PDGFRB: variants seen among roughly 807,000 people sequenced by gnomAD.
PDGFRB encodes platelet derived growth factor receptor beta, also known as platelet-derived growth factor receptor beta.
Under a neutral mutation model 120.2 loss-of-function variants are expected in PDGFRB, and 42 were observed. That is an observed-to-expected ratio of 0.35 (90% CI 0.27 to 0.45). The LOEUF (loss-of-function observed/expected upper bound fraction) is 0.45. Ranked by LOEUF, PDGFRB falls within the 20% of genes least tolerant of loss-of-function variation. The probability of loss-of-function intolerance (pLI) is 1.00; values close to 1 mark genes in which losing one functional copy is unlikely to be tolerated. For synonymous variants in PDGFRB, 586 were observed against 606.8 expected (o/e 0.97, Z 0.50); for missense variants, 1,149 against 1,476.3 (o/e 0.78, Z 3.63).
intron 8 of PDGFRB, 28 bp downstream of exon 8, chr5:150,131,951 G>A: frequency 8.6e-7 from 1 of 1,164,286 alleles, no homozygotes; most frequent in Non-Finnish European, 1.3e-6. Flanking sequence ...GGAAGGAGCA[G>A]GGACATGGCG....
rs978339485 is a variant in PDGFRB, at chr5:150,134,196, G to A, written c.632-188C>T. 57 of 606,726 alleles carry A rather than the reference G, an allele frequency of 9.4e-5. 1 individual carries two copies. In the Admixed American group the frequency reaches 1.3e-3, roughly 14 times the overall value. 37.6% of individuals were successfully genotyped at this position (606,726 alleles called of 1,614,324 possible). A position where few individuals can be genotyped will look rare whatever the true frequency, so the allele number is the denominator to read the frequency against. On this transcript the variant is annotated intron_variant, in intron 4 of 22. Transcript: ENST00000261799. Reference sequence around the variant, plus strand: ...TTCTGGACACTGGAGCAACAGTAGTGAACAAAGTGGACAAAATCTCTGTTC... The same window carrying A: ...TTCTGGACACTGGAGCAACAGTAGTAAACAAAGTGGACAAAATCTCTGTTC...
chr5:150,145,826 G>A lies in PDGFRB; in HGVS notation c.-6-8773C>T, dbSNP rs555295619. ...TGAGTCAGGAGAATTGCTTGAACCC[G>A]AGATCGCGCCACTGCACTCCAGCCT... On this transcript the variant is annotated intron_variant, in intron 1 of 22. Coordinates refer to ENST00000261799, the MANE Select transcript of PDGFRB (RefSeq NM_002609.4). Among the ~76,000 whole-genome samples, 4 of 152,272 alleles carry A rather than the reference G, an allele frequency of 2.6e-5. No individual in the cohort carries two copies. In the South Asian group the frequency reaches 8.3e-4, roughly 32 times the overall value.
At chr5:150,126,216 A>G (rs917674632) in intron 11 of PDGFRB, among the ~76,000 whole-genome samples, 3 of 152,214 alleles carry the variant, frequency 2.0e-5, no homozygotes, top group African/African-American at 4.8e-5. Flanking sequence ...GAGCCCATGC[A>G]GTCCACCTCA....
rs189277051 is a variant in PDGFRB, at chr5:150,148,674, G to A, written c.-7+6723C>T. Reference sequence around the variant, plus strand: ...TCCCAATTTCCTGGGAAATGGCATGGGAGACCTCCTTTTCCATTTCTGGGA... The same window carrying A: ...TCCCAATTTCCTGGGAAATGGCATGAGAGACCTCCTTTTCCATTTCTGGGA... On this transcript the variant is annotated intron_variant, in intron 1 of 22. Coordinates refer to ENST00000261799, the MANE Select transcript of PDGFRB (RefSeq NM_002609.4). Among the ~76,000 whole-genome samples, 21 of 152,372 alleles carry A rather than the reference G, an allele frequency of 1.4e-4. No individual in the cohort carries two copies. The East Asian group carries it at 4.0e-3, about 29-fold the overall frequency.
rs552994415 is a variant in PDGFRB, at chr5:150,132,554, C to T, written c.1127+196G>A. On this transcript the variant is annotated intron_variant, in intron 7 of 22. Coordinates refer to ENST00000261799, the MANE Select transcript of PDGFRB (RefSeq NM_002609.4). The surrounding 1 kb of genome is among the most constrained non-coding windows in gnomAD (Gnocchi z 5.0). ...AACATCTGGGTGATCATCTGACCGG[C>T]GACTGTTTCCTCCACTAGACTAGAA... 1.2e-4 allele frequency among the ~76,000 whole-genome samples: 19 copies of T among 152,338 alleles called. No individual in the cohort carries two copies. Among genetic ancestry groups the T allele is most frequent in the African/African-American group, 1.9e-4 (8 of 41,582 alleles).
Position 150,123,181 on chromosome 5 carries a change from C to T in PDGFRB, c.2044G>A (p.Glu682Lys). ...ACCAGGTCTCCGTAGCGGCAGTACT[C>T]AGTGATGATATAGATGGGTCCTGCA... The part of the protein sequence containing the change: ...TKGGPIYIIT[E>K]YCRYGDLVDY... Residue 682 changes from glutamate to lysine, a missense_variant, in exon 15 of 23, where the codon GAG (glutamate) becomes AAG (lysine). By Grantham distance (56) the Glu-to-Lys change is moderately conservative. This residue lies in a region of PDGFRB where 879 missense variants were observed against 1,108.6 expected (regional missense o/e 0.79). Coordinates refer to ENST00000261799, the MANE Select transcript of PDGFRB (RefSeq NM_002609.4). 1 of 1,613,586 alleles carries T rather than the reference C, an allele frequency of 6.2e-7. No individual in the cohort carries two copies. Among genetic ancestry groups the T allele is most frequent in the Admixed American group, 1.7e-5 (1 of 60,034 alleles).
rs879255377 is a variant in PDGFRB, at chr5:150,117,817, T to G, written c.2938A>C (p.Ser980Arg). 1 of 1,612,930 alleles carries G rather than the reference T, an allele frequency of 6.2e-7. No individual in the cohort carries two copies. Among genetic ancestry groups the G allele is most frequent in the East Asian group, 2.2e-5 (1 of 44,834 alleles). The stretch of plus-strand genomic sequence containing the variant: ...GACCGAAGGATGGCTGGGTGGTCAC[T>G]CCTCAGAAACTCCTCATCCACCTGC... ...YQQVDEEFLR[S>R]DHPAILRSQA... The change falls in exon 22 of 23, where the codon AGT becomes CGT. Residue 980 changes from serine to arginine, a missense_variant. Ser to Arg is a moderately radical substitution (Grantham distance 110, BLOSUM62 -1). This residue lies in a region of PDGFRB where 202 missense variants were observed against 214.3 expected (regional missense o/e 0.94). Transcript: ENST00000261799.
intron 8 of PDGFRB, among the ~76,000 whole-genome samples, chr5:150,131,345 G>C (rs1172851229): frequency 6.6e-6 from 1 of 152,070 alleles, no homozygotes; most frequent in Admixed American, 6.6e-5. Flanking sequence ...CCTTTGCACT[G>C]CCCGAGGTAC....
chr5:150,121,643 T>C lies in PDGFRB; in HGVS notation c.2344+237A>G, dbSNP rs1288195879. Among the ~76,000 whole-genome samples the C allele has an allele frequency of 6.6e-6, 1 of 152,226 alleles. No homozygotes were observed. The highest frequency in any genetic ancestry group is 6.5e-5 in the Admixed American group (1 of 15,286). ...CCTACCACGACAAAAGGCCAGGTCC[T>C]CCCATATCCCTGCTCTCTCCCTCCC... On this transcript the variant is annotated intron_variant, in intron 16 of 22. Transcript: ENST00000261799. The surrounding 1 kb of genome is among the most constrained non-coding windows in gnomAD (Gnocchi z 4.1).
Position 150,126,622 on chromosome 5 carries a change from C to T in PDGFRB, c.1580-8G>A, listed in dbSNP as rs1310107518. ...CCACCTTAAAGGGCAAGGCTGGAGG[C>T]AGAGATGAGAGCAGGCCATGAGCAA... On this transcript the variant is annotated splice_polypyrimidine_tract_variant and splice_region_variant and intron_variant, in intron 10 of 22. Coordinates refer to ENST00000261799, the MANE Select transcript of PDGFRB (RefSeq NM_002609.4). 8.4e-6 allele frequency: 13 copies of T among 1,548,980 alleles called. No individual in the cohort carries two copies. The African/African-American group carries it at 1.4e-4, about 16-fold the overall frequency.
chr5:150,124,153 A>G (rs903052016), intron 14 of PDGFRB, 97 bp downstream of exon 14: 48 of 758,082 alleles, frequency 6.3e-5, no homozygotes, highest in Non-Finnish European at 1.0e-4. Context: ...CTCCAGCAGG[A>G]GTGTGCTGTT....
intron 13 of PDGFRB, 179 bp downstream of exon 13, chr5:150,124,547 CA>C: frequency 1.6e-6 from 1 of 623,662 alleles, no homozygotes; most frequent in Non-Finnish European, 2.9e-6. Context: ...CCGAGGAGGC[CA>C]GGGAGAGGAA....
intron 1 of PDGFRB, among the ~76,000 whole-genome samples, chr5:150,144,643 C>T (rs1416148564): frequency 2.0e-5 from 3 of 152,210 alleles, no homozygotes; most frequent in Non-Finnish European, 4.4e-5. Flanking sequence ...GGCAGCGATG[C>T]GGCTGGCTAC....
Position 150,123,160 on chromosome 5 carries a change from G to C in PDGFRB, c.2065C>G (p.Leu689Val). 1 of 1,613,772 alleles carries C rather than the reference G, an allele frequency of 6.2e-7. No individual in the cohort carries two copies. Among genetic ancestry groups the C allele is most frequent in the Non-Finnish European group, 8.5e-7 (1 of 1,179,784 alleles). The change falls in exon 15 of 23, where the codon CTG (leucine) becomes GTG (valine). Residue 689 changes from leucine to valine, a missense_variant. Leu to Val is a conservative substitution (Grantham distance 32). Around this residue, in one of 3 missense-constraint regions of PDGFRB, gnomAD observed 879 missense variants for 1,108.6 expected, o/e 0.79. Coordinates refer to ENST00000261799, the MANE Select transcript of PDGFRB (RefSeq NM_002609.4). The part of the protein sequence containing the change: ...IITEYCRYGD[L>V]VDYLHRNKHT... The stretch of plus-strand genomic sequence containing the variant: ...TTGTTGCGGTGCAGGTAGTCCACCA[G>C]GTCTCCGTAGCGGCAGTACTCAGTG...
intron 1 of PDGFRB, among the ~76,000 whole-genome samples, chr5:150,149,268 C>T (rs1306182125): frequency 6.6e-6 from 1 of 152,176 alleles, no homozygotes; most frequent in East Asian, 1.9e-4. Context: ...GAAGCCGTCC[C>T]AAACTCAGCC....
intron 1 of PDGFRB, among the ~76,000 whole-genome samples, chr5:150,144,646 C>G (rs1345620640): frequency 6.6e-6 from 1 of 152,220 alleles, no homozygotes; most frequent in Admixed American, 6.5e-5. Flanking sequence ...AGCGATGCGG[C>G]TGGCTACTTG....
chr5:150,148,866 C>T (rs946151890), intron 1 of PDGFRB, among the ~76,000 whole-genome samples: 12 of 152,010 alleles, frequency 7.9e-5, no homozygotes, highest in Non-Finnish European at 1.3e-4. Context: ...GCAGATGATG[C>T]CAGGGAAAGG....
rs145459651 is a variant in PDGFRB, at chr5:150,134,795, C to A, written c.586G>T (p.Asp196Tyr). The stretch of plus-strand genomic sequence containing the variant: ...TAGGCATCAGAATCCACCTCCCTGT[C>A]CCCAATGGTGGTTTTGCAGATGTAG... ...RSYICKTTIG[D>Y]REVDSDAYYV... The change falls in exon 4 of 23, where the codon GAC becomes TAC. Residue 196 changes from aspartate (D) to tyrosine (Y), a missense_variant. Around this residue, in one of 3 missense-constraint regions of PDGFRB, gnomAD observed 879 missense variants for 1,108.6 expected, o/e 0.79. Transcript: ENST00000261799. The A allele has an allele frequency of 4.3e-6, 7 of 1,614,010 alleles. No individual in the cohort carries two copies. Among genetic ancestry groups the A allele is most frequent in the Non-Finnish European group, 5.9e-6 (7 of 1,179,960 alleles).
rs1760148687 is a variant in PDGFRB at position 150,121,934 on chromosome 5, C to T, written c.2290G>A (p.Ala764Thr). Residue 764 changes from alanine to threonine, a missense_variant, in exon 16 of 23, where the codon GCA (alanine) becomes ACA (threonine). Ala to Thr is a moderately conservative substitution (Grantham distance 58, BLOSUM62 0). This residue lies in a region of PDGFRB where 879 missense variants were observed against 1,108.6 expected (regional missense o/e 0.79). Transcript: ENST00000261799. The surrounding 1 kb of genome is among the most constrained non-coding windows in gnomAD (Gnocchi z 4.1). ...MLDMKGDVKY[A>T]DIESSNYMAP... ...ATGTAGTTGGAGGACTCGATGTCTGCATATTTGACGTCTCCTTTCATGTCC... is the reference window on the plus strand; with the variant it reads ...ATGTAGTTGGAGGACTCGATGTCTGTATATTTGACGTCTCCTTTCATGTCC... 2 of 1,613,314 alleles carry T rather than the reference C, an allele frequency of 1.2e-6. No homozygotes were observed. Among genetic ancestry groups the T allele is most frequent in the Non-Finnish European group, 1.7e-6 (2 of 1,179,354 alleles).
Sources: allele counts gnomAD v4.1 joint callset (sites outside exome capture counted in the v4.1 genomes callset), GRCh38; gene constraint gnomAD v4.1.1; regional missense constraint gnomAD v4.1.1; non-coding constraint Gnocchi (gnomAD v3.1); transcripts MANE v1.5; gene names NCBI Gene and HGNC (gene_info 2026-07-23, HGNC 2026-07-21).